Variants in AUTS2 observed in about 807,000 individuals in gnomAD.
AUTS2 encodes activator of transcription and developmental regulator AUTS2, also known as autism susceptibility gene 2 protein.
A neutral mutation model predicts 112.4 loss-of-function variants in AUTS2; 17 were observed. That is an observed-to-expected ratio of 0.15 (90% confidence interval 0.10 to 0.23). AUTS2 has a LOEUF of 0.23. Among genes scored for constraint, AUTS2 ranks in the 10% least tolerant of loss-of-function variants. The pLI, the probability that AUTS2 is intolerant of heterozygous loss-of-function variation, is 1.00. For missense variants in AUTS2, 1,510 were observed against 1,701.6 expected, an observed-to-expected ratio of 0.89 and a Z score of 1.98; for synonymous variants, 751 against 702.7, an observed-to-expected ratio of 1.07 and a Z score of -1.09.
chr7:69,989,652 A>G (rs1316097336), intron 2 of AUTS2, among the ~76,000 whole-genome samples: 2 of 152,102 alleles, frequency 1.3e-5, no homozygotes, highest in African/African-American at 2.4e-5. Context: ...ATTTACTGCT[A>G]CCTTTCAGAT....
chr7:70,679,676 G>A (rs534962576), intron 5 of AUTS2, among the ~76,000 whole-genome samples: 9 of 152,066 alleles, frequency 5.9e-5, no homozygotes, highest in Non-Finnish European at 1.2e-4. Context: ...GCTATTTATT[G>A]TTTTATTTGA....
Position 70,358,070 on chromosome 7 carries a change from G to A in AUTS2, c.661-77682G>A, listed in dbSNP as rs553955816. 3.9e-5 allele frequency among the ~76,000 whole-genome samples: 6 copies of A among 152,190 alleles called. No homozygotes were observed. The East Asian group carries it at 1.2e-3, about 29-fold the overall frequency. ...GGGGCTATGGATGAGCAGATGGGTG[G>A]GTATGTGTTGGGGACACGATTTTGG... On this transcript the variant is annotated intron_variant, in intron 4 of 18. Transcript: ENST00000342771.
intron 1 of AUTS2, among the ~76,000 whole-genome samples, chr7:69,844,766 G>T (rs970050887): frequency 6.6e-6 from 1 of 151,980 alleles, no homozygotes; most frequent in African/African-American, 2.4e-5. Flanking sequence ...TAGTTTTATC[G>T]GTAGATCTTA....
chr7:70,786,100 G>A (rs1791453637), intron 17 of AUTS2, 62 bp downstream of exon 17: 1 of 1,410,108 alleles, frequency 7.1e-7, no homozygotes, highest in African/African-American at 1.4e-5. Context: ...ATCCGCATAT[G>A]GCTCAAGACC....
chr7:69,857,709 C>T (rs184880974), intron 1 of AUTS2, among the ~76,000 whole-genome samples: 19 of 151,828 alleles, frequency 1.3e-4, no homozygotes, highest in South Asian at 8.3e-4. Flanking sequence ...AAGACATTCC[C>T]GGGAGGCTGA....
At chr7:69,784,880 A>G (rs1789296374) in intron 1 of AUTS2, among the ~76,000 whole-genome samples, 1 of 152,198 alleles carries the variant, frequency 6.6e-6, no homozygotes, top group South Asian at 2.1e-4. Flanking sequence ...TTGTGCTACT[A>G]TGTGCCAGGC....
chr7:70,790,870 C>G lies in AUTS2; in HGVS notation c.3654C>G (p.Ser1218Arg). 2 of 1,604,812 alleles carry G rather than the reference C, an allele frequency of 1.2e-6. No individual in the cohort carries two copies. Among genetic ancestry groups the G allele is most frequent in the Non-Finnish European group, 1.7e-6 (2 of 1,175,296 alleles). ...AGACCCCTCCGACAGCAGCGCTGAG[C>G]GCACCTCCCCCGCTCATCTCCACGC... ...LNKTPPTAALSAPPPLISTLG... is the reference protein window; with the variant it reads ...LNKTPPTAALRAPPPLISTLG... The change falls in exon 19 of 19, where the codon AGC becomes AGG. Residue 1218 changes from serine (S) to arginine (R), a missense_variant. Physicochemically the swap from Ser to Arg is moderately radical, Grantham distance 110. Around this residue, in one of 3 missense-constraint regions of AUTS2, gnomAD observed 788 missense variants for 797.6 expected, o/e 0.99. Coordinates refer to ENST00000342771, the MANE Select transcript of AUTS2 (RefSeq NM_015570.4). This position sits in a 1 kb window ranked among gnomAD's most constrained non-coding sequence, Gnocchi z 7.6.
At chr7:70,517,341 G>A (rs1563010199) in intron 5 of AUTS2, among the ~76,000 whole-genome samples, 1 of 151,978 alleles carries the variant, frequency 6.6e-6, no homozygotes, top group Non-Finnish European at 1.5e-5. Context: ...TTGGTACATG[G>A]GTTTGGTGGT....
chr7:69,936,356 T>C (rs1484009770), intron 2 of AUTS2, among the ~76,000 whole-genome samples: 1 of 152,094 alleles, frequency 6.6e-6, no homozygotes, highest in African/African-American at 2.4e-5. Flanking sequence ...TGTTTTGTTT[T>C]GTTTTGTTTT....
chr7:70,362,984 A>G (rs546360185), intron 4 of AUTS2, among the ~76,000 whole-genome samples: 1 of 152,324 alleles, frequency 6.6e-6, no homozygotes, highest in South Asian at 2.1e-4. Flanking sequence ...CATCAACCCC[A>G]CTTAGAATTA....
intron 1 of AUTS2, among the ~76,000 whole-genome samples, chr7:69,797,765 CAG>C (rs147379107): frequency 0.1 from 15,500 of 152,134 alleles, 963 homozygotes; most frequent in East Asian, 0.15. Context: ...AAAAAAGAAA[CAG>C]GGAGGTAAAA....
At chr7:70,262,712 A>T (rs2129607455) in intron 4 of AUTS2, among the ~76,000 whole-genome samples, 1 of 152,344 alleles carries the variant, frequency 6.6e-6, no homozygotes, top group East Asian at 1.9e-4. Flanking sequence ...AAAAAATAGA[A>T]TTATGACAAG....
At chr7:69,917,380 A>G (rs1182188894) in intron 2 of AUTS2, among the ~76,000 whole-genome samples, 1 of 149,286 alleles carries the variant, frequency 6.7e-6, no homozygotes, top group African/African-American at 2.5e-5. Flanking sequence ...ACCCACTCCT[A>G]CAAATCTGAA....
At chr7:70,206,524 A>C (rs1181469693) in intron 4 of AUTS2, among the ~76,000 whole-genome samples, 3 of 152,194 alleles carry the variant, frequency 2.0e-5, no homozygotes, top group Non-Finnish European at 4.4e-5. Flanking sequence ...CAGCCTCTTA[A>C]GTAACCTGGG....
At chr7:69,781,691 C>T (rs1789149565) in intron 1 of AUTS2, among the ~76,000 whole-genome samples, 1 of 152,212 alleles carries the variant, frequency 6.6e-6, no homozygotes, top group Admixed American at 6.5e-5. Context: ...TGTAATCTTG[C>T]CTCAGTGTAG....
chr7:69,849,638 T>C (rs1402430913), intron 1 of AUTS2, among the ~76,000 whole-genome samples: 2 of 151,748 alleles, frequency 1.3e-5, no homozygotes, highest in East Asian at 3.9e-4. Flanking sequence ...TTATATAAAA[T>C]ATAAAATATA....
intron 1 of AUTS2, among the ~76,000 whole-genome samples, chr7:69,895,551 C>T (rs1021941271): frequency 4.1e-5 from 6 of 147,542 alleles, no homozygotes; most frequent in Non-Finnish European, 6.0e-5. Context: ...CTTCCCCCCC[C>T]CCGAGTGGAA....
chr7:70,418,177 A>G (rs189294782), intron 4 of AUTS2, among the ~76,000 whole-genome samples: 2 of 151,340 alleles, frequency 1.3e-5, no homozygotes, highest in Admixed American at 1.3e-4. Context: ...GGCTTAAGGG[A>G]TCCTCCCACC....
chr7:70,447,336 A>G (rs2131009473), intron 5 of AUTS2, among the ~76,000 whole-genome samples: 1 of 152,362 alleles, frequency 6.6e-6, no homozygotes, highest in East Asian at 1.9e-4. Flanking sequence ...AACTTACATT[A>G]TACAGCTAAT....
Sources: allele counts gnomAD v4.1 joint callset (sites outside exome capture counted in the v4.1 genomes callset), GRCh38; gene constraint gnomAD v4.1.1; regional missense constraint gnomAD v4.1.1; non-coding constraint Gnocchi (gnomAD v3.1); transcripts MANE v1.5; gene names NCBI Gene and HGNC (gene_info 2026-07-23, HGNC 2026-07-21).